The following TRIO variants were observed in gnomAD, a reference collection of about 807,000 sequenced individuals.
TRIO encodes trio Rho guanine nucleotide exchange factor, also known as triple functional domain protein.
A neutral mutation model predicts 351.9 loss-of-function variants in TRIO; 58 were observed. The observed-to-expected ratio is 0.16, with a 90% confidence interval of 0.13 to 0.21. TRIO has a LOEUF of 0.21. TRIO is among the 10% of genes least tolerant of loss of function. The probability of loss-of-function intolerance (pLI) is 1.00; values close to 1 mark genes in which losing one functional copy is unlikely to be tolerated. For synonymous variants in TRIO, 1,758 were observed against 1,595.7 expected (o/e 1.10, Z -2.42); for missense variants, 3,201 against 4,027.8 (o/e 0.79, Z 5.56).
At chr5:14,175,560 C>G (rs902929589) in intron 1 of TRIO, among the ~76,000 whole-genome samples, 1 of 152,066 alleles carries the variant, frequency 6.6e-6, no homozygotes. Context: ...GGAACATAAC[C>G]CCAGATGGGG....
At chr5:14,339,900 A>G (rs1039942993) in intron 11 of TRIO, among the ~76,000 whole-genome samples, 1 of 152,144 alleles carries the variant, frequency 6.6e-6, no homozygotes, top group African/African-American at 2.4e-5. Flanking sequence ...TAAGCTTAGA[A>G]CAAGTTTAAT....
At chr5:14,232,527 G>A (rs1444389350) in intron 1 of TRIO, among the ~76,000 whole-genome samples, 1 of 152,168 alleles carries the variant, frequency 6.6e-6, no homozygotes, top group Non-Finnish European at 1.5e-5. Flanking sequence ...CTCCGCAAGG[G>A]CAGGAATTGT....
intron 34 of TRIO, among the ~76,000 whole-genome samples, chr5:14,432,065 A>G (rs1446789137): frequency 6.6e-6 from 1 of 152,196 alleles, no homozygotes; most frequent in African/African-American, 2.4e-5. Flanking sequence ...GCCCATAGCA[A>G]GGGGGCCATT....
intron 1 of TRIO, among the ~76,000 whole-genome samples, chr5:14,195,548 C>G (rs1370092152): frequency 2.0e-5 from 3 of 152,166 alleles, no homozygotes; most frequent in African/African-American, 7.2e-5. Context: ...TATCTTATTC[C>G]TCATCACACT....
At chr5:14,207,996 A>C (rs1293287339) in intron 1 of TRIO, among the ~76,000 whole-genome samples, 1 of 152,214 alleles carries the variant, frequency 6.6e-6, no homozygotes, top group East Asian at 1.9e-4. Flanking sequence ...AGCTATAATA[A>C]AAAAGATTGA....
intron 34 of TRIO, among the ~76,000 whole-genome samples, chr5:14,427,300 G>A (rs957138417): frequency 6.6e-6 from 1 of 152,120 alleles, no homozygotes; most frequent in African/African-American, 2.4e-5. Context: ...GATTGGAGGA[G>A]GCCAGGTCTC....
chr5:14,349,100 G>T (rs1742762650), intron 11 of TRIO, among the ~76,000 whole-genome samples: 1 of 146,192 alleles, frequency 6.8e-6, no homozygotes, highest in Non-Finnish European at 1.5e-5. Context: ...TGTTTTTCCT[G>T]TGTGTATATG....
At chr5:14,233,602 A>G (rs942818535) in intron 1 of TRIO, among the ~76,000 whole-genome samples, 2 of 151,918 alleles carry the variant, frequency 1.3e-5, no homozygotes, top group African/African-American at 4.8e-5. Context: ...CAAAACATGT[A>G]TCTCTTATTA....
intron 37 of TRIO, chr5:14,466,537 T>C (rs1009990359): frequency 6.6e-6 from 1 of 152,260 alleles, no homozygotes; most frequent in African/African-American, 2.4e-5. Context: ...ATTTCTGTTT[T>C]TGTAGTTTTC....
intron 1 of TRIO, among the ~76,000 whole-genome samples, chr5:14,252,012 T>C (rs1794774390): frequency 6.6e-6 from 1 of 151,848 alleles, no homozygotes; most frequent in Non-Finnish European, 1.5e-5. Context: ...GGTACCTCCT[T>C]AACCAGATGC....
At chr5:14,398,760 C>T in intron 29 of TRIO, 120 bp from the exon 30 acceptor site, 1 of 950,276 alleles carries the variant, frequency 1.1e-6, no homozygotes, top group Non-Finnish European at 1.6e-6. Flanking sequence ...ATGGGAAACT[C>T]TTATCTAGGG....
At chr5:14,488,846 G>C in intron 48 of TRIO, 1 of 699,922 alleles carries the variant, frequency 1.4e-6, no homozygotes, top group Admixed American at 2.0e-5. Flanking sequence ...GGAAGACAGA[G>C]ACTGCTCTGG....
In TRIO at chr5:14,387,431, T is replaced by C. The variant is rs1296334794; in HGVS notation, c.3571-7T>C. 2 of 1,596,258 alleles carry C rather than the reference T, an allele frequency of 1.3e-6. No homozygotes were observed. The highest frequency in any genetic ancestry group is 1.7e-6 in the Non-Finnish European group (2 of 1,169,952). On this transcript the variant is annotated splice_region_variant and splice_polypyrimidine_tract_variant and intron_variant, in intron 21 of 56. Transcript: ENST00000344204. ...GCCTCACAATACTTTCCTGTTGTTT[T>C]TTGCAGCAAACCAAAGAGAGAGTGA...
At chr5:14,391,081 C>T (rs1007444863) in intron 27 of TRIO, 91 bp downstream of exon 27, 38 of 928,736 alleles carry the variant, frequency 4.1e-5, no homozygotes, top group Non-Finnish European at 5.9e-5. Flanking sequence ...ATTGATAGTA[C>T]AATGTTTTCA....
chr5:14,427,090 A>G (rs1240324960), intron 34 of TRIO, among the ~76,000 whole-genome samples: 1 of 152,138 alleles, frequency 6.6e-6, no homozygotes, highest in African/African-American at 2.4e-5. Flanking sequence ...CCACTGGGGT[A>G]AGCACTGTGT....
intron 1 of TRIO, among the ~76,000 whole-genome samples, chr5:14,152,033 A>C (rs1787871636): frequency 6.6e-6 from 1 of 152,224 alleles, no homozygotes; most frequent in Non-Finnish European, 1.5e-5. Context: ...ATTGAAAAAC[A>C]ATGCTTTGAC....
chr5:14,442,635 A>T (rs1488964840), intron 34 of TRIO, among the ~76,000 whole-genome samples: 1 of 152,164 alleles, frequency 6.6e-6, no homozygotes, highest in Non-Finnish European at 1.5e-5. Flanking sequence ...TTACCACTCG[A>T]AGATGGTGAC....
At chr5:14,371,643 T>TC (rs751915020) in intron 18 of TRIO, among the ~76,000 whole-genome samples, 6,658 of 136,118 alleles carry the variant, frequency 0.049, 226 homozygotes, top group African/African-American at 0.087. Flanking sequence ...TCTGTAAATG[T>TC]TTTTTTTTTT....
At position 14,218,844 on chromosome 5, in the gene TRIO, T is replaced by C. The variant is rs190018636; in HGVS notation, c.158-51981T>C. On this transcript the variant is annotated intron_variant, in intron 1 of 56. Transcript: ENST00000344204. ...GACAATTTCCAAAGGCTGTGAACTTTCCAATAGCAGTAAACTCCTCTGAAG... is the reference window on the plus strand; with the variant it reads ...GACAATTTCCAAAGGCTGTGAACTTCCCAATAGCAGTAAACTCCTCTGAAG... Among the ~76,000 whole-genome samples, 5 of 152,358 alleles carry C rather than the reference T, an allele frequency of 3.3e-5. No individual in the cohort carries two copies. In the East Asian group the frequency reaches 9.6e-4, roughly 29 times the overall value.
Sources: allele counts gnomAD v4.1 joint callset (sites outside exome capture counted in the v4.1 genomes callset), GRCh38; gene constraint gnomAD v4.1.1; transcripts MANE v1.5; gene names NCBI Gene and HGNC (gene_info 2026-07-23, HGNC 2026-07-21).